MBP: variants seen among roughly 807,000 people sequenced by gnomAD.
MBP encodes myelin basic protein, also known as Golli-MBP.
MBP carries 16 observed loss-of-function variants against 35.8 expected under a neutral mutation model. The observed-to-expected ratio is 0.45, with a 90% CI of 0.30 to 0.68. The LOEUF is 0.68. MBP is among the 30% of genes least tolerant of loss of function. The pLI is 0.08. For synonymous variants in MBP, 143 were observed against 159.6 expected, an observed-to-expected ratio of 0.90 and a Z score of 0.78; for missense variants, 380 against 404.7, an observed-to-expected ratio of 0.94 and a Z score of 0.52.
At chr18:77,085,995 G>GGA (rs199553710) in intron 2 of MBP, among the ~76,000 whole-genome samples, 8 of 152,038 alleles carry the variant, frequency 5.3e-5, no homozygotes, top group African/African-American at 1.7e-4. Flanking sequence ...AGTGCAATAA[G>GGA]GAGAGAGAGA....
At chr18:77,115,907 G>T (rs1976646253) in intron 1 of MBP, among the ~76,000 whole-genome samples, 1 of 152,032 alleles carries the variant, frequency 6.6e-6, no homozygotes. Flanking sequence ...GCAATGTGTG[G>T]TCATTAACCT....
intron 3 of MBP, among the ~76,000 whole-genome samples, chr18:77,022,838 T>G (rs28549273): frequency 6.6e-6 from 1 of 152,242 alleles, no homozygotes; most frequent in African/African-American, 2.4e-5. Flanking sequence ...CGAAGAAGTC[T>G]AAATCTATGG....
intron 2 of MBP, among the ~76,000 whole-genome samples, chr18:77,098,731 CGCCAAGGCAGGGCAGAGTGGG>C (rs1210041994): frequency 6.6e-6 from 1 of 152,168 alleles, no homozygotes; most frequent in Non-Finnish European, 1.5e-5. Context: ...TTTGAGGCAC[CGCCAAGGCAGGGCAGAGTGGG>C]ACGTGGGGCT....
intron 2 of MBP, among the ~76,000 whole-genome samples, chr18:77,093,758 C>A (rs11662430): frequency 0.11 from 17,083 of 152,182 alleles, 1,188 homozygotes; most frequent in Non-Finnish European, 0.16. Flanking sequence ...GAAATTCCCA[C>A]GGGCGGGCGC....
Position 77,044,839 on chromosome 18 carries a change from C to A in MBP, c.139+21459G>T, listed in dbSNP as rs1973163901. ...ACAGAAATGTCTGTTCTCTTAACAACAATTGTGAGGATGACTGTAAGGTTG... is the reference window on the plus strand; with the variant it reads ...ACAGAAATGTCTGTTCTCTTAACAAAAATTGTGAGGATGACTGTAAGGTTG... On this transcript the variant is annotated intron_variant, in intron 3 of 8. Coordinates refer to ENST00000355994, the MANE Select transcript of MBP (RefSeq NM_001025101.2). The surrounding 1 kb of genome is among the most constrained non-coding windows in gnomAD (Gnocchi z 4.4). Among the ~76,000 whole-genome samples the A allele has an allele frequency of 6.6e-6, 1 of 151,892 alleles. No individual in the cohort carries two copies. The highest frequency in any genetic ancestry group is 1.5e-5 in the Non-Finnish European group (1 of 67,984).
rs1568331704 is a variant in MBP at position 77,084,421 on chromosome 18, C to CTG, written c.52-18037_52-18036insCA. 6.2e-5 allele frequency among the ~76,000 whole-genome samples: 2 copies of CTG among 32,124 alleles called. 1 individual carries two copies. The highest frequency in any genetic ancestry group is 1.4e-4 in the Non-Finnish European group (2 of 13,798). 21.1% of individuals were successfully genotyped at this position (32,124 alleles called of 152,430 possible). On this transcript the variant is annotated intron_variant, in intron 2 of 8. Transcript: ENST00000355994. ...GACCATCACAACACCGCCCCCCCCG[C>CTG]CACACCACACCACACACACACACAC...
At chr18:77,097,888 AG>A (rs911211871) in intron 2 of MBP, among the ~76,000 whole-genome samples, 5 of 150,726 alleles carry the variant, frequency 3.3e-5, no homozygotes, top group African/African-American at 1.2e-4. Flanking sequence ...GGTTTGCAGC[AG>A]GTGCCCCAAA....
At chr18:76,992,847 C>G (rs969518253) in intron 4 of MBP, among the ~76,000 whole-genome samples, 3 of 152,216 alleles carry the variant, frequency 2.0e-5, no homozygotes, top group Admixed American at 6.5e-5. Context: ...GCATCCATCC[C>G]CTGCCCTGGG....
At chr18:77,108,844 AT>A (rs1444860692) in intron 1 of MBP, 1 of 152,214 alleles carries the variant, frequency 6.6e-6, no homozygotes. Flanking sequence ...GTTCCTAGGT[AT>A]TTTACTGATT....
Position 76,988,168 on chromosome 18 carries a change from TA to T in MBP, c.750+326del. The T allele has an allele frequency of 6.5e-7, 1 of 1,540,014 alleles. No homozygotes were observed. Among genetic ancestry groups the T allele is most frequent in the Non-Finnish European group, 8.7e-7 (1 of 1,146,732 alleles). ...TCGCACTGGTTGTGTTGGAGGAAGT[TA>T]AACATTTTCTCGGACGTGGTGTTGC... On this transcript the variant is annotated intron_variant, in intron 7 of 8. Transcript: ENST00000355994. The surrounding 1 kb of genome is among the most constrained non-coding windows in gnomAD (Gnocchi z 5.2).
rs943652715 is a variant in MBP at position 77,102,285 on chromosome 18, A to G, written c.51+2926T>C. Among the ~76,000 whole-genome samples the G allele has an allele frequency of 3.3e-5, 5 of 152,154 alleles. No individual in the cohort carries two copies. Among genetic ancestry groups the G allele is most frequent in the South Asian group, 2.1e-4 (1 of 4,826 alleles). On this transcript the variant is annotated intron_variant, in intron 2 of 8. Transcript: ENST00000355994. The surrounding 1 kb of genome is among the most constrained non-coding windows in gnomAD (Gnocchi z 4.4). ...GATCAGTAACCAGCACCTGAAACTGACAGAAACTTTCCTTGACTCTCTCAT... is the reference window on the plus strand; with the variant it reads ...GATCAGTAACCAGCACCTGAAACTGGCAGAAACTTTCCTTGACTCTCTCAT...
chr18:77,066,667 C>T, intron 2 of MBP: 1 of 635,042 alleles, frequency 1.6e-6, no homozygotes, highest in Admixed American at 1.8e-5. Context: ...AATAAATTAG[C>T]TACATGCCAT....
At chr18:77,023,079 C>T (rs943206112) in intron 3 of MBP, among the ~76,000 whole-genome samples, 5 of 152,220 alleles carry the variant, frequency 3.3e-5, no homozygotes, top group African/African-American at 1.2e-4. Context: ...AACAACACCA[C>T]ACCCTAATCT....
Position 77,017,089 on chromosome 18 carries a change from A to C in MBP, c.319T>G (p.Phe107Val). 1.2e-6 allele frequency: 2 copies of C among 1,607,624 alleles called. No homozygotes were observed. Among genetic ancestry groups the C allele is most frequent in the Non-Finnish European group, 1.7e-6 (2 of 1,174,968 alleles). The change falls in exon 4 of 9, where the codon TTC becomes GTC. Residue 107 changes from phenylalanine (F) to valine (V), a missense_variant. Physicochemically the swap from Phe to Val is conservative, Grantham distance 50 (BLOSUM62 -1). Transcript: ENST00000355994. ...TCGGACTCAGAGGGCCTGTCTTTGAAGGTGTTGTCCTCCCTCCCCGGGGCA... is the reference window on the plus strand; with the variant it reads ...TCGGACTCAGAGGGCCTGTCTTTGACGGTGTTGTCCTCCCTCCCCGGGGCA... ...RDAPGREDNTFKDRPSESDEL... is the reference protein window; with the variant it reads ...RDAPGREDNTVKDRPSESDEL...
chr18:76,991,198 A>T (rs1969890294), intron 4 of MBP, among the ~76,000 whole-genome samples: 1 of 143,528 alleles, frequency 7.0e-6, no homozygotes, highest in Admixed American at 7.0e-5. Flanking sequence ...TGGGAATATC[A>T]CTTCCACATC....
rs986913481 is a variant in MBP, at chr18:77,005,884, G to C, written c.576+10948C>G. Reference sequence around the variant, plus strand: ...GACACCAATGTTTTCAGAGGACGAGGCTCCTGTGGGGCCTTTGCATTGCTT... The same window carrying C: ...GACACCAATGTTTTCAGAGGACGAGCCTCCTGTGGGGCCTTTGCATTGCTT... On this transcript the variant is annotated intron_variant, in intron 4 of 8. Transcript: ENST00000355994. 18 of 152,402 alleles carry C rather than the reference G, an allele frequency of 1.2e-4. 1 individual carries two copies. Among genetic ancestry groups the C allele is most frequent in the African/African-American group, 4.3e-4 (18 of 41,564 alleles). The allele number at this position is 152,402 out of a possible 1,614,324, so 9.4% of individuals were successfully genotyped here.
At chr18:77,053,160 C>G (rs1212651967) in intron 3 of MBP, among the ~76,000 whole-genome samples, 2 of 152,256 alleles carry the variant, frequency 1.3e-5, no homozygotes, top group Non-Finnish European at 2.9e-5. Flanking sequence ...GAGCTCAACA[C>G]CAGATGGCTT....
intron 4 of MBP, among the ~76,000 whole-genome samples, chr18:76,994,705 G>A (rs1233674977): frequency 6.6e-6 from 1 of 152,198 alleles, no homozygotes; most frequent in Non-Finnish European, 1.5e-5. Flanking sequence ...ATTATCGGGG[G>A]TCAGAAATGT....
At chr18:77,030,399 GGGAAGGGACA>G (rs1241869956) in intron 3 of MBP, among the ~76,000 whole-genome samples, 1 of 152,126 alleles carries the variant, frequency 6.6e-6, no homozygotes, top group Non-Finnish European at 1.5e-5. Flanking sequence ...ACACAGGGAC[GGGAAGGGACA>G]GGAAGGGACG....
Sources: gnomAD v4.1 joint callset for allele counts (sites outside exome capture counted in the v4.1 genomes callset) on GRCh38, gnomAD v4.1.1 for gene constraint, Gnocchi (gnomAD v3.1) non-coding constraint, MANE v1.5 for transcripts, NCBI Gene and HGNC (gene_info 2026-07-23, HGNC 2026-07-21) for gene names.